ECD: variants seen among roughly 807,000 people sequenced by gnomAD.
The protein encoded by ECD is protein ecdysoneless homolog.
ECD carries 59 observed loss-of-function variants against 77.2 expected under a neutral mutation model. The ratio of observed to expected loss-of-function variants is 0.76; its 90% confidence interval spans 0.62 to 0.95. ECD has a LOEUF of 0.95. Among genes scored for constraint, ECD ranks in the 40% least tolerant of loss-of-function variants. ECD has a pLI of 0.00. For missense variants in ECD, 704 were observed against 763.4 expected (o/e 0.92, Z 0.92); for synonymous variants, 233 against 267.4 (o/e 0.87, Z 1.26).
At chr10:73,135,727 A>AAATAATAAT (rs373748537) in intron 13 of ECD, among the ~76,000 whole-genome samples, 2 of 151,126 alleles carry the variant, frequency 1.3e-5, no homozygotes, top group African/African-American at 4.9e-5. Flanking sequence ...ATCTCAAATA[A>AAATAATAAT]AATAATAATA....
At chr10:73,139,065 T>C (rs1470093531) in intron 11 of ECD, among the ~76,000 whole-genome samples, 2 of 152,180 alleles carry the variant, frequency 1.3e-5, no homozygotes, top group African/African-American at 4.8e-5. Context: ...ATGGTTTCCC[T>C]GTGTGGTTCT....
chr10:73,138,175 C>G (rs1843002613), intron 11 of ECD, 105 bp from the exon 12 acceptor site: 8 of 816,152 alleles, frequency 9.8e-6, no homozygotes, highest in Non-Finnish European at 1.4e-5. Flanking sequence ...GATAGAATTT[C>G]TAAGGAGGCA....
At chr10:73,155,963 A>C (rs1201600736) in intron 5 of ECD, among the ~76,000 whole-genome samples, 1 of 152,186 alleles carries the variant, frequency 6.6e-6, no homozygotes, top group East Asian at 1.9e-4. Flanking sequence ...GCTAATACTT[A>C]GCCACAATAT....
chr10:73,134,702 C>G lies in ECD; in HGVS notation c.1816G>C (p.Glu606Gln). 1 of 1,614,138 alleles carries G rather than the reference C, an allele frequency of 6.2e-7. No homozygotes were observed. Residue 606 changes from glutamate to glutamine, a missense_variant, in exon 14 of 14, where the codon GAA becomes CAA. Glu to Gln is a conservative substitution (Grantham distance 29). Coordinates refer to ENST00000372979, the MANE Select transcript of ECD (RefSeq NM_007265.3). ...VDLNLVSNIL[E>Q]SYSSQAGLAG... ...AGTCCAGCTTGGGAGCTATAGGATT[C>G]CAATATATTTGAAACCAGGTTCAGG... is the stretch of plus-strand genomic sequence containing the variant.
intron 3 of ECD, among the ~76,000 whole-genome samples, chr10:73,160,063 T>C (rs1843354922): frequency 6.6e-6 from 1 of 151,534 alleles, no homozygotes; most frequent in African/African-American, 2.4e-5. Flanking sequence ...GGTGGGTGGA[T>C]CACCTGAGGT....
Position 73,154,288 on chromosome 10 carries a change from T to A in ECD, c.751A>T (p.Thr251Ser), listed in dbSNP as rs747945856. The change falls in exon 6 of 14, where the codon ACA becomes TCA. Residue 251 changes from threonine to serine, a missense_variant. Physicochemically the swap from Thr to Ser is moderately conservative, Grantham distance 58. Coordinates refer to ENST00000372979, the MANE Select transcript of ECD (RefSeq NM_007265.3). ...IDLRACRVFK[T>S]FLPETRIMTS... ...ATTATTCGTGTTTCAGGCAAGAATG[T>A]CTTGAAAACACGACAAGCTCGCAGG... The A allele has an allele frequency of 2.5e-6, 4 of 1,611,022 alleles. No individual in the cohort carries two copies. The highest frequency in any genetic ancestry group is 3.4e-6 in the Non-Finnish European group (4 of 1,178,944).
intron 6 of ECD, among the ~76,000 whole-genome samples, chr10:73,152,979 C>A (rs1016168903): frequency 3.3e-5 from 5 of 151,722 alleles, no homozygotes; most frequent in Non-Finnish European, 7.4e-5. Context: ...TCATTAGTTA[C>A]ATTATACAGC....
intron 9 of ECD, among the ~76,000 whole-genome samples, chr10:73,143,659 C>G (rs1010441251): frequency 1.3e-5 from 2 of 152,006 alleles, no homozygotes; most frequent in African/African-American, 2.4e-5. Flanking sequence ...TATCCATCCT[C>G]TCAAGCATTT....
chr10:73,146,462 C>T (rs1843130231), intron 8 of ECD, 101 bp from the exon 9 acceptor site: 1 of 646,000 alleles, frequency 1.5e-6, no homozygotes, highest in South Asian at 2.6e-5. Flanking sequence ...TAATCTACTA[C>T]TCAGGAATCA....
At chr10:73,147,622 A>T (rs1053952489) in intron 8 of ECD, among the ~76,000 whole-genome samples, 7 of 151,940 alleles carry the variant, frequency 4.6e-5, no homozygotes, top group Admixed American at 6.6e-5. Context: ...CATCTTTATC[A>T]TCATCATATT....
chr10:73,153,706 A>G (rs1843249114), intron 6 of ECD, among the ~76,000 whole-genome samples: 1 of 134,248 alleles, frequency 7.4e-6, no homozygotes, highest in Non-Finnish European at 1.6e-5. Context: ...AGCCTGGGTG[A>G]GAGAGTGAGA....
chr10:73,152,914 C>CAAAAAAAAAA (rs146290115), intron 6 of ECD, among the ~76,000 whole-genome samples: 28 of 148,842 alleles, frequency 1.9e-4, no homozygotes, highest in Admixed American at 4.6e-4. Context: ...GACACTGTTG[C>CAAAAAAAAAA]AAAAAAAATT....
rs201285202 is a variant in ECD at position 73,148,415 on chromosome 10, T to G, written c.913-11A>C. The G allele has an allele frequency of 2.0e-4, 325 of 1,603,382 alleles. No homozygotes were observed. Among genetic ancestry groups the G allele is most frequent in the Non-Finnish European group, 2.7e-4 (316 of 1,175,878 alleles). On this transcript the variant is annotated splice_polypyrimidine_tract_variant and intron_variant, in intron 7 of 13. Transcript: ENST00000372979. ...CTCAAATCCATGAGCCTAGATGAGA[T>G]AGGTAGAATTTTTGTTACTAAGTTC...
rs1262655410 is a variant in ECD, at chr10:73,152,320, G to A, written c.885C>T (p.Tyr295=). The A allele has an allele frequency of 1.2e-6, 2 of 1,613,796 alleles. No homozygotes were observed. Among genetic ancestry groups the A allele is most frequent in the South Asian group, 2.2e-5 (2 of 91,068 alleles). ...ATTTCATGCCCAATTCATGGGCTCG[G>A]TACTGGGGATCAGATGGAGGAGGCA... ...YRLPPPSDPQ[Y]RAHELGMKLA... The change falls in exon 7 of 14, where the codon TAC becomes TAT. Residue 295 remains tyrosine, a synonymous_variant. Transcript: ENST00000372979.
chr10:73,143,007 A>G (rs1220035113), intron 9 of ECD, among the ~76,000 whole-genome samples: 2 of 152,192 alleles, frequency 1.3e-5, no homozygotes, highest in East Asian at 3.9e-4. Flanking sequence ...AATATTACAT[A>G]ATGGCTTGCG....
chr10:73,134,308 G>A lies in ECD; in HGVS notation c.*275C>T. On this transcript the variant is annotated 3_prime_UTR_variant, in exon 14 of 14. Transcript: ENST00000372979. ...AGAATTACTCCAAGGGTATATTGTG[G>A]TAGGGTATGTCTTTAGCATGAAGTG... 2.8e-6 allele frequency: 1 copy of A among 358,236 alleles called. No individual in the cohort carries two copies. Among genetic ancestry groups the A allele is most frequent in the Non-Finnish European group, 5.1e-6 (1 of 196,686 alleles). 22.2% of individuals were successfully genotyped at this position (358,236 alleles called of 1,614,324 possible).
In ECD at chr10:73,146,265, C is replaced by CAAT; in HGVS notation, c.1127+8_1127+10dup. 6.4e-7 allele frequency: 1 copy of CAAT among 1,559,464 alleles called. No homozygotes were observed. Among genetic ancestry groups the CAAT allele is most frequent in the Non-Finnish European group, 8.8e-7 (1 of 1,140,634 alleles). On this transcript the variant is annotated intron_variant, in intron 9 of 13. Coordinates refer to ENST00000372979, the MANE Select transcript of ECD (RefSeq NM_007265.3). ...CCAATCTTTGTAGTAGGAGTCTTAACAATAACTCACCTTTCTGGCCAGTCT... is the reference window on the plus strand; with the variant it reads ...CCAATCTTTGTAGTAGGAGTCTTAACAATAATAACTCACCTTTCTGGCCAGTCT...
Position 73,134,795 on chromosome 10 carries a change from T to C in ECD, c.1723A>G (p.Thr575Ala). The change falls in exon 14 of 14, where the codon ACC (threonine) becomes GCC (alanine). Residue 575 changes from threonine to alanine, a missense_variant. This residue lies in a region of ECD where 142 missense variants were observed against 163.6 expected (regional missense o/e 0.87). Coordinates refer to ENST00000372979, the MANE Select transcript of ECD (RefSeq NM_007265.3). ...TCTTCCTCATCTGAATTGTTATCGG[T>C]AGTCTGGGATACAGGTTCCTTATTC... is the stretch of plus-strand genomic sequence containing the variant. ...RNQVEPVSQTTDNNSDEEDSG... is the reference protein window; with the variant it reads ...RNQVEPVSQTADNNSDEEDSG... 2 of 1,614,158 alleles carry C rather than the reference T, an allele frequency of 1.2e-6. No individual in the cohort carries two copies. Among genetic ancestry groups the C allele is most frequent in the Non-Finnish European group, 1.7e-6 (2 of 1,180,000 alleles).
At chr10:73,147,249 A>AT (rs1254717602) in intron 8 of ECD, among the ~76,000 whole-genome samples, 1 of 121,800 alleles carries the variant, frequency 8.2e-6, no homozygotes, top group Non-Finnish European at 1.7e-5. Flanking sequence ...TACAACAACA[A>AT]TAACAACAAC....
Sources: allele counts gnomAD v4.1 joint callset (sites outside exome capture counted in the v4.1 genomes callset), GRCh38; gene constraint gnomAD v4.1.1; regional missense constraint gnomAD v4.1.1; transcripts MANE v1.5; gene names NCBI Gene and HGNC (gene_info 2026-07-23, HGNC 2026-07-21).